Variants in NDC80 observed in about 807,000 individuals in gnomAD.
NDC80 encodes kinetochore protein NDC80 homolog.
In NDC80, 69 loss-of-function variants were observed where a neutral mutation model predicts 89.3. The observed-to-expected ratio is 0.77, with a 90% CI of 0.64 to 0.94. The LOEUF is 0.94. Ranked by LOEUF, NDC80 falls within the 40% of genes least tolerant of loss-of-function variation. The probability of loss-of-function intolerance (pLI) is 0.00; values close to 1 mark genes in which losing one functional copy is unlikely to be tolerated. For missense variants in NDC80, 593 were observed against 739.6 expected, an observed-to-expected ratio of 0.80 and a Z score of 2.30; for synonymous variants, 243 against 255.6, an observed-to-expected ratio of 0.95 and a Z score of 0.47.
intron 16 of NDC80, among the ~76,000 whole-genome samples, chr18:2,612,848 A>G (rs1598247843): frequency 1.3e-5 from 2 of 152,238 alleles, no homozygotes; most frequent in South Asian, 4.1e-4. Flanking sequence ...ATCAGTATAA[A>G]TTCTTAATAG....
chr18:2,578,174 A>G (rs2072557648), intron 5 of NDC80, 33 bp downstream of exon 5: 1 of 1,563,732 alleles, frequency 6.4e-7, no homozygotes, highest in Non-Finnish European at 8.7e-7. Flanking sequence ...TAGAGACATG[A>G]CTGGCACACA....
intron 10 of NDC80, among the ~76,000 whole-genome samples, chr18:2,591,755 CTTTTTT>C (rs56126967): frequency 7.3e-6 from 1 of 136,372 alleles, no homozygotes. Context: ...TTAATCAATA[CTTTTTT>C]TTTTTTTTTT....
intron 6 of NDC80, among the ~76,000 whole-genome samples, chr18:2,584,696 G>A (rs2072595528): frequency 1.3e-5 from 2 of 152,170 alleles, no homozygotes; most frequent in South Asian, 4.1e-4. Context: ...CACCAGAATT[G>A]AGCTCAAAGA....
intron 11 of NDC80, among the ~76,000 whole-genome samples, chr18:2,598,631 A>T (rs2072669349): frequency 6.6e-6 from 1 of 152,188 alleles, no homozygotes; most frequent in Admixed American, 6.6e-5. Context: ...CTTATTTTGG[A>T]TACATGAAAT....
At chr18:2,600,787 C>T (rs990287609) in intron 12 of NDC80, among the ~76,000 whole-genome samples, 1 of 152,106 alleles carries the variant, frequency 6.6e-6, no homozygotes, top group African/African-American at 2.4e-5. Flanking sequence ...GTGTTAAATG[C>T]CACTGAATTA....
intron 7 of NDC80, among the ~76,000 whole-genome samples, chr18:2,585,521 AG>A (rs1338203778): frequency 1.3e-5 from 2 of 152,292 alleles, no homozygotes; most frequent in Admixed American, 1.3e-4. Flanking sequence ...AAAAACAAAA[AG>A]GTTGTATGGA....
intron 15 of NDC80, among the ~76,000 whole-genome samples, chr18:2,610,144 CTG>C (rs1429752697): frequency 1.3e-5 from 2 of 152,272 alleles, no homozygotes; most frequent in East Asian, 3.9e-4. Context: ...TTTTCTGTCT[CTG>C]TGTATATAAT....
intron 3 of NDC80, 137 bp downstream of exon 3, chr18:2,575,203 G>C: frequency 1.5e-6 from 1 of 676,128 alleles, no homozygotes; most frequent in Non-Finnish European, 2.5e-6. Context: ...GATTTTAAAT[G>C]GTTAAAATTT....
At chr18:2,601,001 A>G (rs2072681350) in intron 12 of NDC80, among the ~76,000 whole-genome samples, 2 of 152,234 alleles carry the variant, frequency 1.3e-5, no homozygotes, top group Admixed American at 6.5e-5. Context: ...AGAGAATCCT[A>G]AGACTAAACA....
chr18:2,603,996 G>A (rs1373796382), intron 13 of NDC80, among the ~76,000 whole-genome samples: 1 of 152,132 alleles, frequency 6.6e-6, no homozygotes, highest in Non-Finnish European at 1.5e-5. Context: ...AAGAAATTAA[G>A]CTAATCACAC....
intron 16 of NDC80, among the ~76,000 whole-genome samples, chr18:2,615,844 C>T (rs188340826): frequency 2.0e-3 from 305 of 151,942 alleles, no homozygotes; most frequent in African/African-American, 6.9e-3. Context: ...TTGATAAATA[C>T]GAAGGTGAAA....
intron 12 of NDC80, among the ~76,000 whole-genome samples, chr18:2,599,870 C>CGA (rs1162762150): frequency 6.6e-6 from 1 of 152,114 alleles, no homozygotes; most frequent in Non-Finnish European, 1.5e-5. Flanking sequence ...GAGAATTATT[C>CGA]ATTTAACAAG....
intron 12 of NDC80, 126 bp downstream of exon 12, chr18:2,599,297 T>A: frequency 1.4e-6 from 1 of 708,864 alleles, no homozygotes. Context: ...CTGTATCTTC[T>A]TTCTTCTCGG....
At chr18:2,608,250 G>A (rs1442676666) in intron 14 of NDC80, among the ~76,000 whole-genome samples, 1 of 151,142 alleles carries the variant, frequency 6.6e-6, no homozygotes, top group Non-Finnish European at 1.5e-5. Context: ...CTGTCGCTCA[G>A]GCTGGAATGC....
chr18:2,606,421 G>T lies in NDC80; in HGVS notation c.1471G>T (p.Ala491Ser), dbSNP rs1272338776. The change falls in exon 14 of 17, where the codon GCA (alanine) becomes TCA (serine). Residue 491 changes from alanine to serine, a missense_variant. Coordinates refer to ENST00000261597, the MANE Select transcript of NDC80 (RefSeq NM_006101.3). ...GLEDTLEQLN[A>S]MITESKRSVR... ...CAAAGTTTTATTTCCCCAGTTGAAT[G>T]CAATGATAACAGAAAGCAAGAGAAG... The T allele has an allele frequency of 1.0e-5, 16 of 1,596,438 alleles. No homozygotes were observed. The highest frequency in any genetic ancestry group is 4.0e-5 in the African/African-American group (3 of 74,194).
At chr18:2,583,384 T>C (rs1276145036) in intron 6 of NDC80, among the ~76,000 whole-genome samples, 3 of 152,182 alleles carry the variant, frequency 2.0e-5, no homozygotes, top group African/African-American at 7.2e-5. Flanking sequence ...GGTTCTGCCC[T>C]ACATGTCTTT....
chr18:2,578,852 A>G (rs138993278), intron 5 of NDC80, 75 bp from the exon 6 acceptor site: 258 of 880,600 alleles, frequency 2.9e-4, no homozygotes, highest in Non-Finnish European at 3.7e-4. Flanking sequence ...TTTAAATGTA[A>G]CTTCTTGATT....
At chr18:2,593,057 T>TG (rs1491312738) in intron 10 of NDC80, among the ~76,000 whole-genome samples, 26 of 69,272 alleles carry the variant, frequency 3.8e-4, no homozygotes, top group East Asian at 1.1e-3. Flanking sequence ...TGTGTGTGTC[T>TG]TTTTTTTTTT....
Position 2,590,162 on chromosome 18 carries a change from G to T in NDC80, c.1015G>T (p.Glu339Ter). The stretch of plus-strand genomic sequence containing the variant: ...TCTCAATGAGGAAATTGCTAGAGTA[G>T]GTAAGCAGAGCTAATGCTAAAAGAC... ...NGLNEEIARVELECETIKQEN... is the reference protein window; with the variant it reads ...NGLNEEIARV Residue 339 changes from glutamate (E) to a stop codon, truncating the protein, a stop_gained and splice_region_variant, in exon 10 of 17, where the codon GAA becomes TAA. Transcript: ENST00000261597. LOFTEE classifies it high-confidence loss of function. 1.3e-5 allele frequency: 20 copies of T among 1,586,630 alleles called. No homozygotes were observed. The highest frequency in any genetic ancestry group is 1.7e-5 in the Non-Finnish European group (20 of 1,168,844).
Sources: gnomAD v4.1 joint callset for allele counts (sites outside exome capture counted in the v4.1 genomes callset) on GRCh38, gnomAD v4.1.1 for gene constraint, MANE v1.5 for transcripts, NCBI Gene and HGNC (gene_info 2026-07-23, HGNC 2026-07-21) for gene names.